HTRA4: variants seen among roughly 807,000 people sequenced by gnomAD.
The protein encoded by HTRA4 is serine protease HTRA4.
Under a neutral mutation model 49.1 loss-of-function variants are expected in HTRA4, and 46 were observed. The observed-to-expected ratio is 0.94, with a 90% CI of 0.74 to 1.20. HTRA4 has a LOEUF of 1.20. Among genes scored for constraint, HTRA4 ranks in the 50% most tolerant of loss-of-function variants. The probability of loss-of-function intolerance (pLI) is 0.00; values close to 1 mark genes in which losing one functional copy is unlikely to be tolerated. For missense variants in HTRA4, 602 were observed against 636.9 expected (o/e 0.95, Z 0.59); for synonymous variants, 261 against 264.0 (o/e 0.99, Z 0.11).
Position 38,988,152 on chromosome 8 carries a change from G to C in HTRA4, c.*54G>C. 6.9e-7 allele frequency: 1 copy of C among 1,442,626 alleles called. No individual in the cohort carries two copies. The highest frequency in any genetic ancestry group is 1.4e-5 in the South Asian group (1 of 71,948). The allele number at this position is 1,442,626 out of a possible 1,614,324, so 89.4% of individuals were successfully genotyped here. A position where few individuals can be genotyped will look rare whatever the true frequency, so the allele number is the denominator to read the frequency against. ...AAAAAAAAAAAACCAGTTATATCAC[G>C]TGGTTTGTATTGGAGATGTGCCAAA... On this transcript the variant is annotated 3_prime_UTR_variant, in exon 9 of 9. Coordinates refer to ENST00000302495, the MANE Select transcript of HTRA4 (RefSeq NM_153692.4).
intron 3 of HTRA4, among the ~76,000 whole-genome samples, chr8:38,977,581 C>A (rs73617926): frequency 9.2e-4 from 140 of 152,300 alleles, no homozygotes; most frequent in African/African-American, 3.1e-3. Context: ...GATCTCCTTT[C>A]TGTTTGTGGC....
Position 38,974,633 on chromosome 8 carries a change from C to T in HTRA4, c.370C>T (p.Pro124Ser). The change falls in exon 1 of 9, where the codon CCC becomes TCC. Residue 124 changes from proline to serine, a missense_variant. Coordinates refer to ENST00000302495, the MANE Select transcript of HTRA4 (RefSeq NM_153692.4). ...AVCGSDRRTY[P>S]SMCALRAENR... ...GTGCGGCAGCGACAGGCGCACCTAC[C>T]CCAGCATGTGCGCGCTCCGGGCCGA... 1 of 1,423,004 alleles carries T rather than the reference C, an allele frequency of 7.0e-7. No individual in the cohort carries two copies. The highest frequency in any genetic ancestry group is 1.5e-5 in the African/African-American group (1 of 66,766). 88.1% of individuals were successfully genotyped at this position (1,423,004 alleles called of 1,614,324 possible). A position where few individuals can be genotyped will look rare whatever the true frequency, so the allele number is the denominator to read the frequency against.
chr8:38,979,284 C>A (rs1240747813), intron 5 of HTRA4, 37 bp downstream of exon 5: 1 of 1,593,226 alleles, frequency 6.3e-7, no homozygotes, highest in Non-Finnish European at 8.6e-7. Context: ...CATGTTTCTT[C>A]TTAACTTTCA....
rs1835322954 is a variant in HTRA4, at chr8:38,974,712, G to A, written c.449G>A (p.Gly150Glu). The change falls in exon 1 of 9, where the codon GGG becomes GAG. Residue 150 changes from glycine (G) to glutamate (E), a missense_variant. Coordinates refer to ENST00000302495, the MANE Select transcript of HTRA4 (RefSeq NM_153692.4). ...GKVPAVPVQW[G>E]NCGDTGTRSA... ...GTCCCGGCCGTGCCTGTGCAGTGGG[G>A]GAACTGCGGGGATACAGGTGAGCCG... 7.0e-7 allele frequency: 1 copy of A among 1,425,752 alleles called. No individual in the cohort carries two copies. Among genetic ancestry groups the A allele is most frequent in the Non-Finnish European group, 9.1e-7 (1 of 1,099,618 alleles). 88.3% of individuals were successfully genotyped at this position (1,425,752 alleles called of 1,614,324 possible). A position where few individuals can be genotyped will look rare whatever the true frequency, so the allele number is the denominator to read the frequency against.
In HTRA4 at chr8:38,978,126, C is replaced by A; in HGVS notation, c.945C>A (p.Val315=). The change falls in exon 4 of 9, where the codon GTC becomes GTA. Residue 315 remains valine (V), a synonymous_variant. Transcript: ENST00000302495. The stretch of plus-strand genomic sequence containing the variant: ...TGAAGGATTCAGATATGGACTACGT[C>A]CAGATTGATGCCACAATTAATGTAA... ...LGMKDSDMDY[V]QIDATINYGN... The A allele has an allele frequency of 1.2e-6, 2 of 1,613,516 alleles. No individual in the cohort carries two copies. Among genetic ancestry groups the A allele is most frequent in the Non-Finnish European group, 1.7e-6 (2 of 1,179,704 alleles).
At chr8:38,982,852 T>C (rs1264206050) in intron 7 of HTRA4, 101 bp from the exon 8 acceptor site, 1 of 768,142 alleles carries the variant, frequency 1.3e-6, no homozygotes, top group Non-Finnish European at 2.1e-6. Flanking sequence ...CCTCGGCCCT[T>C]GTGAACCTTG....
intron 6 of HTRA4, 125 bp from the exon 7 acceptor site, chr8:38,982,373 T>C: frequency 4.0e-6 from 3 of 750,974 alleles, no homozygotes; most frequent in Non-Finnish European, 6.8e-6. Context: ...CTGAAGCCTG[T>C]GTTTCATCCA....
At chr8:38,978,814 A>T (rs1835384499) in intron 4 of HTRA4, among the ~76,000 whole-genome samples, 1 of 151,766 alleles carries the variant, frequency 6.6e-6, no homozygotes, top group African/African-American at 2.4e-5. Flanking sequence ...GGCCAACATG[A>T]TGAAACCCTG....
At chr8:38,981,881 C>T (rs932626922) in intron 6 of HTRA4, 114 bp downstream of exon 6, 2 of 740,486 alleles carry the variant, frequency 2.7e-6, no homozygotes, top group Non-Finnish European at 4.5e-6. Flanking sequence ...CAGAATTTTG[C>T]TCGTCATCCA....
chr8:38,983,072 C>T (rs7814264), intron 8 of HTRA4, 24 bp downstream of exon 8: 608,852 of 1,514,354 alleles, frequency 0.4, 126,347 homozygotes, highest in East Asian at 0.72. Context: ...AGGCCTTTGT[C>T]ATCTACCTTT....
At chr8:38,975,359 T>TC (rs891142943) in intron 2 of HTRA4, among the ~76,000 whole-genome samples, 1 of 152,158 alleles carries the variant, frequency 6.6e-6, no homozygotes, top group Non-Finnish European at 1.5e-5. Context: ...TGGTGCTTTT[T>TC]CCCCCTCCTG....
intron 8 of HTRA4, among the ~76,000 whole-genome samples, chr8:38,986,288 T>A (rs1450869382): frequency 6.6e-6 from 1 of 152,168 alleles, no homozygotes; most frequent in East Asian, 1.9e-4. Flanking sequence ...TTTTTATTAT[T>A]ATTATTTTTT....
intron 4 of HTRA4, among the ~76,000 whole-genome samples, chr8:38,978,765 A>C (rs925808085): frequency 6.6e-6 from 1 of 151,234 alleles, no homozygotes; most frequent in Non-Finnish European, 1.5e-5. Flanking sequence ...GGGAGGCCGA[A>C]GGGGGTGGAT....
At position 38,977,956 on chromosome 8, in the gene HTRA4, G is replaced by A. The variant is rs780371222; in HGVS notation, c.775G>A (p.Glu259Lys). 1.9e-6 allele frequency: 3 copies of A among 1,613,368 alleles called. No individual in the cohort carries two copies. Among genetic ancestry groups the A allele is most frequent in the Non-Finnish European group, 1.7e-6 (2 of 1,179,836 alleles). The stretch of plus-strand genomic sequence containing the variant: ...ATCCCTTTTTGGGCACGTGCAGGCT[G>A]AACTTCCTGTACTGATGCTGGGAAG... ...LAVIKIESNA[E>K]LPVLMLGRSS... The change falls in exon 4 of 9, where the codon GAA becomes AAA. Residue 259 changes from glutamate (E) to lysine (K), a missense_variant. By Grantham distance (56) the Glu-to-Lys change is moderately conservative. Coordinates refer to ENST00000302495, the MANE Select transcript of HTRA4 (RefSeq NM_153692.4).
At chr8:38,975,912 T>C (rs953908354) in intron 2 of HTRA4, among the ~76,000 whole-genome samples, 2 of 152,138 alleles carry the variant, frequency 1.3e-5, no homozygotes, top group Admixed American at 6.5e-5. Flanking sequence ...GCCTCTAGTA[T>C]TAGGATTGGG....
rs1388928863 is a variant in HTRA4 at position 38,974,605 on chromosome 8, C to A, written c.342C>A (p.Ala114=). The stretch of plus-strand genomic sequence containing the variant: ...GCGGTTGCCCGACGCTGGGAGGGGC[C>A]GTGTGCGGCAGCGACAGGCGCACCT... The part of the protein sequence containing the change: ...STCGCPTLGG[A]VCGSDRRTYP... Residue 114 remains alanine (A), a synonymous_variant, in exon 1 of 9, where the codon GCC becomes GCA. Transcript: ENST00000302495. 4 of 1,427,038 alleles carry A rather than the reference C, an allele frequency of 2.8e-6. No homozygotes were observed. Among genetic ancestry groups the A allele is most frequent in the Non-Finnish European group, 2.7e-6 (3 of 1,097,220 alleles). The allele number at this position is 1,427,038 out of a possible 1,614,324, so 88.4% of individuals were successfully genotyped here. A position where few individuals can be genotyped will look rare whatever the true frequency, so the allele number is the denominator to read the frequency against.
chr8:38,987,745 C>T (rs1835501173), intron 8 of HTRA4, among the ~76,000 whole-genome samples, 191 bp from the exon 9 acceptor site: 1 of 152,058 alleles, frequency 6.6e-6, no homozygotes, highest in Admixed American at 6.6e-5. Context: ...AGACAGTTGT[C>T]CTCTAGGTGA....
rs564019473 is a variant in HTRA4, at chr8:38,981,538, C to T, written c.1000-115C>T. 5.2e-4 allele frequency: 362 copies of T among 690,730 alleles called. 1 individual carries two copies. The highest frequency in any genetic ancestry group is 1.2e-3 in the Middle Eastern group (5 of 4,092). 42.8% of individuals were successfully genotyped at this position (690,730 alleles called of 1,614,324 possible). A position where few individuals can be genotyped will look rare whatever the true frequency, so the allele number is the denominator to read the frequency against. ...CTCTTTTGAAGTACAAAGTTCCTCTCGGCCCTGTTTTCTGACCCTAAGTAA... is the reference window on the plus strand; with the variant it reads ...CTCTTTTGAAGTACAAAGTTCCTCTTGGCCCTGTTTTCTGACCCTAAGTAA... On this transcript the variant is annotated intron_variant, in intron 5 of 8. Coordinates refer to ENST00000302495, the MANE Select transcript of HTRA4 (RefSeq NM_153692.4).
Position 38,974,461 on chromosome 8 carries a change from C to T in HTRA4, c.198C>T (p.Cys66=). ...ALGTTPVFDL[C]RCCRVCPAAE... ...GGACCACGCCGGTGTTCGACCTGTG[C>T]CGCTGTTGCCGCGTCTGCCCCGCGG... Residue 66 remains cysteine (C), a synonymous_variant, in exon 1 of 9, where the codon TGC becomes TGT. Transcript: ENST00000302495. 6.5e-7 allele frequency: 1 copy of T among 1,534,492 alleles called. No individual in the cohort carries two copies.
Sources: gnomAD v4.1 joint callset for allele counts (sites outside exome capture counted in the v4.1 genomes callset) on GRCh38, gnomAD v4.1.1 for gene constraint, MANE v1.5 for transcripts, NCBI Gene and HGNC (gene_info 2026-07-23, HGNC 2026-07-21) for gene names.